The following RIMS3 variants were observed in gnomAD, a reference collection of about 807,000 sequenced individuals.
RIMS3 encodes the protein regulating synaptic membrane exocytosis 3.
Under a neutral mutation model 29.2 loss-of-function variants are expected in RIMS3, and 15 were observed. The ratio of observed to expected loss-of-function variants is 0.51; its 90% CI spans 0.34 to 0.79. RIMS3 has a LOEUF of 0.79. Ranked by LOEUF, RIMS3 falls within the 30% of genes least tolerant of loss-of-function variation. RIMS3 has a pLI of 0.01. For missense variants in RIMS3, 342 were observed against 421.4 expected, an observed-to-expected ratio of 0.81 and a Z score of 1.65; for synonymous variants, 161 against 170.1, an observed-to-expected ratio of 0.95 and a Z score of 0.41.
intron 3 of RIMS3, among the ~76,000 whole-genome samples, chr1:40,639,639 T>C (rs1479935253): frequency 9.9e-5 from 15 of 152,138 alleles, no homozygotes; most frequent in Admixed American, 9.8e-4. Flanking sequence ...GGCAGCAGGC[T>C]CAGAGAGGTG....
intron 2 of RIMS3, 56 bp downstream of exon 2, chr1:40,647,612 C>T (rs1335870247): frequency 1.3e-5 from 2 of 152,214 alleles, no homozygotes; most frequent in African/African-American, 2.4e-5. Flanking sequence ...TCAGGTCTCA[C>T]ATCACCTATT....
the RIMS3 span, among the ~76,000 whole-genome samples, chr1:40,678,705 G>A: frequency 5.3e-5 from 8 of 152,196 alleles, no homozygotes; most frequent in African/African-American, 1.7e-4. Flanking sequence ...CAGAGTCGGC[G>A]CTCACCCCTT....
In RIMS3 at chr1:40,625,411, G is replaced by A. The variant is rs1646447067; in HGVS notation, c.*1106C>T. On this transcript the variant is annotated 3_prime_UTR_variant, in exon 8 of 8. Coordinates refer to ENST00000372684, the MANE Select transcript of RIMS3 (RefSeq NM_014747.3). Reference sequence around the variant, plus strand: ...GCTCCCAGACAGGGACCCTGGTCTGGAAATGCACAAAAACTGGAGCCCCAA... The same window carrying A: ...GCTCCCAGACAGGGACCCTGGTCTGAAAATGCACAAAAACTGGAGCCCCAA... The A allele has an allele frequency of 6.6e-6, 1 of 152,650 alleles. No homozygotes were observed. The highest frequency in any genetic ancestry group is 1.9e-4 in the East Asian group (1 of 5,198). 9.5% of individuals were successfully genotyped at this position (152,650 alleles called of 1,614,324 possible). A position where few individuals can be genotyped will look rare whatever the true frequency, so the allele number is the denominator to read the frequency against.
At chr1:40,685,361 T>TATA in the RIMS3 span, among the ~76,000 whole-genome samples, 2 of 138,958 alleles carry the variant, frequency 1.4e-5, no homozygotes, top group Admixed American at 1.5e-4. Flanking sequence ...TATTATATAA[T>TATA]ATAATATATA....
In RIMS3 at chr1:40,626,325, TACAC is replaced by T. The variant is rs148325884; in HGVS notation, c.*188_*191del. 5.0e-5 allele frequency: 30 copies of T among 596,974 alleles called. No homozygotes were observed. The highest frequency in any genetic ancestry group is 7.7e-5 in the South Asian group (4 of 51,942). The allele number at this position is 596,974 out of a possible 1,614,324, so 37.0% of individuals were successfully genotyped here. On this transcript the variant is annotated 3_prime_UTR_variant, in exon 8 of 8. Coordinates refer to ENST00000372684, the MANE Select transcript of RIMS3 (RefSeq NM_014747.3). ...AATGAACAGATAGAACGTGGTCACG[TACAC>T]ACACACACACACGCACGCACACACG...
chr1:40,655,851 A>G (rs1221056562), intron 1 of RIMS3, among the ~76,000 whole-genome samples: 3 of 152,226 alleles, frequency 2.0e-5, no homozygotes, highest in Non-Finnish European at 1.5e-5. Context: ...TGGTCAAACT[A>G]AAAATACAAA....
the RIMS3 span, among the ~76,000 whole-genome samples, chr1:40,672,473 C>T: frequency 6.6e-6 from 1 of 152,158 alleles, no homozygotes; most frequent in Admixed American, 6.6e-5. Flanking sequence ...GCTGGGATTA[C>T]AGGCGTGAGC....
chr1:40,660,527 G>A (rs558793906), intron 1 of RIMS3, among the ~76,000 whole-genome samples: 8 of 151,976 alleles, frequency 5.3e-5, no homozygotes, highest in East Asian at 1.9e-4. Flanking sequence ...ACAGGCAAGC[G>A]CCACCATGCC....
At chr1:40,689,131 T>C in the RIMS3 span, among the ~76,000 whole-genome samples, 29 of 152,290 alleles carry the variant, frequency 1.9e-4, no homozygotes, top group East Asian at 2.7e-3. Flanking sequence ...AGGTTATGTG[T>C]GTCAGCTGTC....
upstream of RIMS3, among the ~76,000 whole-genome samples, chr1:40,666,080 G>A (rs1412314141): frequency 6.6e-6 from 1 of 152,158 alleles, no homozygotes; most frequent in Non-Finnish European, 1.5e-5. Flanking sequence ...ACTTACAAAC[G>A]TCAAGTCCAT....
intron 5 of RIMS3, among the ~76,000 whole-genome samples, chr1:40,631,125 G>GGT (rs1646486531): frequency 6.6e-6 from 1 of 152,210 alleles, no homozygotes; most frequent in Non-Finnish European, 1.5e-5. Context: ...GTGTGGGTCA[G>GGT]GTGCTGCTCA....
chr1:40,641,383 G>A (rs1015558930), intron 3 of RIMS3, among the ~76,000 whole-genome samples: 1 of 152,194 alleles, frequency 6.6e-6, no homozygotes, highest in Non-Finnish European at 1.5e-5. Flanking sequence ...GTCTGTGTGT[G>A]GAGACAGTGG....
the RIMS3 span, chr1:40,691,956 C>G: frequency 6.3e-6 from 2 of 316,972 alleles, no homozygotes; most frequent in Non-Finnish European, 1.2e-5. Flanking sequence ...CGCCAGAGAC[C>G]TCACTTCCTC....
Position 40,635,966 on chromosome 1 carries a change from G to A in RIMS3, c.309C>T (p.Gly103=), listed in dbSNP as rs1315534638. ...TGCTCCCATCGGTGGACTCCCGGCTGCCCTGGCGTGTGACCCGGCTCCGCA... is the reference window on the plus strand; with the variant it reads ...TGCTCCCATCGGTGGACTCCCGGCTACCCTGGCGTGTGACCCGGCTCCGCA... ...VEMRSRVTRQ[G]SRESTDGSTN... The change falls in exon 4 of 8, where the codon GGC becomes GGT. Residue 103 remains glycine (G), a synonymous_variant. Coordinates refer to ENST00000372684, the MANE Select transcript of RIMS3 (RefSeq NM_014747.3). The surrounding 1 kb of genome is among the most constrained non-coding windows in gnomAD (Gnocchi z 4.1). 3.7e-6 allele frequency: 6 copies of A among 1,611,886 alleles called. No individual in the cohort carries two copies.
At chr1:40,627,139 G>C (rs989078799) in intron 7 of RIMS3, among the ~76,000 whole-genome samples, 1 of 152,156 alleles carries the variant, frequency 6.6e-6, no homozygotes, top group Non-Finnish European at 1.5e-5. Flanking sequence ...GAGAGTTCAG[G>C]ACTTGGCCAT....
the RIMS3 span, among the ~76,000 whole-genome samples, chr1:40,678,116 A>C: frequency 6.6e-6 from 1 of 152,102 alleles, no homozygotes; most frequent in Non-Finnish European, 1.5e-5. Flanking sequence ...CTCTAAAAAA[A>C]AGGAAGCAGG....
At chr1:40,628,136 G>A (rs1382363518) in intron 7 of RIMS3, among the ~76,000 whole-genome samples, 1 of 152,196 alleles carries the variant, frequency 6.6e-6, no homozygotes, top group African/African-American at 2.4e-5. Flanking sequence ...GCAATCCTCT[G>A]TTTAATAGTC....
At chr1:40,645,713 C>A (rs1049068741) in intron 2 of RIMS3, among the ~76,000 whole-genome samples, 8 of 152,240 alleles carry the variant, frequency 5.3e-5, no homozygotes, top group Middle Eastern at 6.8e-3. Flanking sequence ...AGTACCACCC[C>A]CAGGGGGTGA....
At chr1:40,680,845 AC>A in the RIMS3 span, among the ~76,000 whole-genome samples, 1 of 152,222 alleles carries the variant, frequency 6.6e-6, no homozygotes, top group African/African-American at 2.4e-5. Context: ...TATTTGAAAC[AC>A]ATTGTCCATA....
Sources: gnomAD v4.1 joint callset for allele counts (sites outside exome capture counted in the v4.1 genomes callset) on GRCh38, gnomAD v4.1.1 for gene constraint, Gnocchi (gnomAD v3.1) non-coding constraint, MANE v1.5 for transcripts, NCBI Gene and HGNC (gene_info 2026-07-23, HGNC 2026-07-21) for gene names.